Variants in PI4K2A observed in about 807,000 individuals in gnomAD.
PI4K2A encodes phosphatidylinositol 4-kinase type 2 alpha.
PI4K2A carries 20 observed loss-of-function variants against 55.0 expected under a neutral mutation model. That is an observed-to-expected ratio of 0.36 (90% CI 0.26 to 0.53). The LOEUF (loss-of-function observed/expected upper bound fraction) is 0.53. Ranked by LOEUF, PI4K2A falls within the 20% of genes least tolerant of loss-of-function variation. The probability of loss-of-function intolerance (pLI) is 0.91; values close to 1 mark genes in which losing one functional copy is unlikely to be tolerated. For synonymous variants in PI4K2A, 235 were observed against 258.5 expected (o/e 0.91, Z 0.87); for missense variants, 463 against 637.1 (o/e 0.73, Z 2.94).
chr10:97,646,950 A>ATT (rs552575307), intron 1 of PI4K2A, among the ~76,000 whole-genome samples: 2 of 139,928 alleles, frequency 1.4e-5, no homozygotes, highest in African/African-American at 2.6e-5. Flanking sequence ...AATTTTTTCT[A>ATT]TTTTTTTTTT....
rs370027376 is a variant in PI4K2A at position 97,656,424 on chromosome 10, C to T, written c.768+8C>T. 62 of 1,613,120 alleles carry T rather than the reference C, an allele frequency of 3.8e-5. No individual in the cohort carries two copies. Among genetic ancestry groups the T allele is most frequent in the Admixed American group, 1.3e-4 (8 of 59,982 alleles). ...ATCGGGCTACCACCAAAGGTATAGA[C>T]GCACCTCTGGCTTATCAAGGGTCAT... On this transcript the variant is annotated splice_region_variant and intron_variant, in intron 3 of 8. Transcript: ENST00000370631. The surrounding 1 kb of genome is among the most constrained non-coding windows in gnomAD (Gnocchi z 4.5).
chr10:97,648,860 T>A (rs1277685716), intron 1 of PI4K2A, among the ~76,000 whole-genome samples: 4 of 152,212 alleles, frequency 2.6e-5, no homozygotes, highest in Admixed American at 1.3e-4. Context: ...AGAAAGTAAT[T>A]CTGAAGACTT....
chr10:97,662,333 G>A (rs1296555699), intron 4 of PI4K2A, among the ~76,000 whole-genome samples: 2 of 151,974 alleles, frequency 1.3e-5, no homozygotes, highest in Admixed American at 1.3e-4. Flanking sequence ...GTCAAATACT[G>A]CCTATCAGAA....
rs767407423 is a variant in PI4K2A at position 97,640,814 on chromosome 10, G to C, written c.72G>C (p.Ser24=). ...CGGACTACACCTTCCCGTCGGGCTC[G>C]GGCGCTCACTTTCCGCAGGTGCCCG... Residue 24 remains serine, a synonymous_variant, in exon 1 of 9, where the codon TCG becomes TCC. Transcript: ENST00000370631. 6 of 1,465,174 alleles carry C rather than the reference G, an allele frequency of 4.1e-6. 1 individual carries two copies. In the South Asian group the frequency reaches 8.3e-5, roughly 20 times the overall value. The allele number at this position is 1,465,174 out of a possible 1,614,324, so 90.8% of individuals were successfully genotyped here.
intron 2 of PI4K2A, among the ~76,000 whole-genome samples, chr10:97,654,852 A>C (rs936816755): frequency 6.6e-6 from 1 of 152,142 alleles, no homozygotes; most frequent in African/African-American, 2.4e-5. Flanking sequence ...TTTTTTTAGA[A>C]TAAGTAATGC....
intron 8 of PI4K2A, among the ~76,000 whole-genome samples, chr10:97,668,676 AG>A (rs2041621214): frequency 6.6e-6 from 1 of 152,226 alleles, no homozygotes; most frequent in South Asian, 2.1e-4. Context: ...CTCAATTTGT[AG>A]TATTAATAGC....
In PI4K2A at chr10:97,642,913, C is replaced by T. The variant is rs1312994534; in HGVS notation, c.435+1736C>T. The stretch of plus-strand genomic sequence containing the variant: ...CCTTCCTTCCTTCCTTCCTTCCTTC[C>T]TTCCTTCCTTCCTTTCTTTCCTTTC... On this transcript the variant is annotated intron_variant, in intron 1 of 8. Transcript: ENST00000370631. Among the ~76,000 whole-genome samples the T allele has an allele frequency of 1.4e-4, 17 of 124,466 alleles. No homozygotes were observed. The East Asian group carries it at 2.2e-3, about 16-fold the overall frequency. 81.7% of individuals were successfully genotyped at this position (124,466 alleles called of 152,430 possible). A position where few individuals can be genotyped will look rare whatever the true frequency, so the allele number is the denominator to read the frequency against.
chr10:97,664,996 G>C lies in PI4K2A; in HGVS notation c.1084+12G>C, dbSNP rs768959007. 6.5e-7 allele frequency: 1 copy of C among 1,539,276 alleles called. No individual in the cohort carries two copies. Among genetic ancestry groups the C allele is most frequent in the Non-Finnish European group, 9.0e-7 (1 of 1,112,218 alleles). ...CTCCTGGAGGGCATGTAAGTCTCCA[G>C]ACAATGGTGGTCTGGCTCTTCCCTT... On this transcript the variant is annotated intron_variant, in intron 6 of 8. Coordinates refer to ENST00000370631, the Ensembl canonical transcript of PI4K2A.
At chr10:97,650,064 T>C (rs1425165199) in intron 1 of PI4K2A, among the ~76,000 whole-genome samples, 1 of 152,034 alleles carries the variant, frequency 6.6e-6, no homozygotes, top group East Asian at 1.9e-4. Context: ...TACAGAAAGA[T>C]CCCGTAGGAT....
intron 7 of PI4K2A, 115 bp downstream of exon 7, chr10:97,666,686 G>A (rs1473506324): frequency 1.1e-6 from 1 of 870,672 alleles, no homozygotes; most frequent in East Asian, 2.6e-5. Flanking sequence ...TCTGACTTGA[G>A]TTAGCCAACG....
At chr10:97,648,907 ATAAGT>A (rs2041517789) in intron 1 of PI4K2A, among the ~76,000 whole-genome samples, 1 of 152,218 alleles carries the variant, frequency 6.6e-6, no homozygotes, top group Non-Finnish European at 1.5e-5. Context: ...TTGCCAGTAA[ATAAGT>A]TAGTTTGTCT....
At chr10:97,640,830 C>A in exon 1 of PI4K2A, 2 of 1,433,244 alleles carry the variant, frequency 1.4e-6, no homozygotes, top group Admixed American at 2.7e-5. Flanking sequence ...TCACTTTCCG[C>A]AGGTGCCCGG....
chr10:97,642,153 C>T (rs910379234), intron 1 of PI4K2A, among the ~76,000 whole-genome samples: 12 of 152,122 alleles, frequency 7.9e-5, no homozygotes, highest in Admixed American at 2.6e-4. Context: ...GACATCTCTC[C>T]TGTGTGAACT....
intron 4 of PI4K2A, among the ~76,000 whole-genome samples, chr10:97,658,782 G>A (rs1339336397): frequency 6.6e-6 from 1 of 152,188 alleles, no homozygotes; most frequent in African/African-American, 2.4e-5. Flanking sequence ...CCTAATGGGT[G>A]TAAGATGTTA....
At chr10:97,651,396 A>G (rs554445398) in intron 2 of PI4K2A, among the ~76,000 whole-genome samples, 3 of 152,360 alleles carry the variant, frequency 2.0e-5, no homozygotes, top group South Asian at 2.1e-4. Context: ...CTGCATGTTT[A>G]TGGCTCCCTT....
chr10:97,656,328 A>AC lies in PI4K2A; in HGVS notation c.682dup (p.Arg228ProfsTer22). 2 of 1,613,654 alleles carry AC rather than the reference A, an allele frequency of 1.2e-6. No individual in the cohort carries two copies. Among genetic ancestry groups the AC allele is most frequent in the Non-Finnish European group, 1.7e-6 (2 of 1,179,586 alleles). ...GAGACCTTCAACTATAGTGCCATTG[A>AC]CCGAGTGAAGTCCAGGGGCAAGCGG... is the stretch of plus-strand genomic sequence containing the variant. On this transcript the variant is annotated frameshift_variant, in exon 3 of 9. Coordinates refer to ENST00000370631, the Ensembl canonical transcript of PI4K2A. LOFTEE classifies it high-confidence loss of function. This position sits in a 1 kb window ranked among gnomAD's most constrained non-coding sequence, Gnocchi z 4.5.
chr10:97,644,886 C>T (rs2041497736), intron 1 of PI4K2A, among the ~76,000 whole-genome samples: 1 of 152,070 alleles, frequency 6.6e-6, no homozygotes, highest in South Asian at 2.1e-4. Context: ...TCTGCGACAG[C>T]CACTTTTGGA....
exon 9 of PI4K2A, chr10:97,676,254 C>T (rs2041664119): frequency 6.6e-6 from 1 of 152,268 alleles, no homozygotes; most frequent in East Asian, 1.9e-4. Flanking sequence ...CCATTTGAAA[C>T]CAAACCTGAC....
exon 1 of PI4K2A, chr10:97,640,845 G>A: frequency 1.5e-5 from 21 of 1,382,276 alleles, no homozygotes; most frequent in Non-Finnish European, 2.0e-5. Context: ...GCCCGGGGGC[G>A]CGGTCCGAGT....
Sources: allele counts gnomAD v4.1 joint callset (sites outside exome capture counted in the v4.1 genomes callset), GRCh38; gene constraint gnomAD v4.1.1; non-coding constraint Gnocchi (gnomAD v3.1); transcripts MANE v1.5; gene names NCBI Gene and HGNC (gene_info 2026-07-23, HGNC 2026-07-21).